MANBA: variants seen among roughly 807,000 people sequenced by gnomAD.
MANBA encodes the protein beta-mannosidase.
MANBA carries 83 observed loss-of-function variants against 111.1 expected under a neutral mutation model. The observed-to-expected ratio is 0.75, with a 90% confidence interval of 0.63 to 0.90. MANBA has a LOEUF of 0.90. Among genes scored for constraint, MANBA ranks in the 40% least tolerant of loss-of-function variants. The pLI, the probability that MANBA is intolerant of heterozygous loss-of-function variation, is 0.00. For synonymous variants in MANBA, 370 were observed against 378.7 expected, an observed-to-expected ratio of 0.98 and a Z score of 0.27; for missense variants, 1,036 against 1,069.0, an observed-to-expected ratio of 0.97 and a Z score of 0.43.
chr4:102,656,147 G>A (rs1188633144), intron 12 of MANBA, among the ~76,000 whole-genome samples: 1 of 152,072 alleles, frequency 6.6e-6, no homozygotes, highest in African/African-American at 2.4e-5. Context: ...CAGCTTCTTG[G>A]GGATGCTGAG....
intron 5 of MANBA, among the ~76,000 whole-genome samples, chr4:102,712,144 A>C (rs922605378): frequency 1.3e-5 from 2 of 152,240 alleles, no homozygotes. Flanking sequence ...ATCATTACAC[A>C]TTCTATGCAT....
intron 10 of MANBA, chr4:102,668,398 G>A (rs1042111036): frequency 2.6e-5 from 4 of 155,188 alleles, no homozygotes; most frequent in African/African-American, 9.6e-5. Context: ...TTCAATATAA[G>A]AATACTCAAC....
chr4:102,684,422 T>C (rs944327609), intron 7 of MANBA, among the ~76,000 whole-genome samples: 2 of 152,194 alleles, frequency 1.3e-5, no homozygotes, highest in African/African-American at 2.4e-5. Flanking sequence ...GCTGAACTCA[T>C]GCATCCTCCA....
chr4:102,664,409 C>T (rs903827850), intron 11 of MANBA, among the ~76,000 whole-genome samples: 4 of 150,788 alleles, frequency 2.7e-5, no homozygotes, highest in Admixed American at 1.3e-4. Context: ...AGTGCAGTGG[C>T]GCGATCTCGG....
intron 1 of MANBA, among the ~76,000 whole-genome samples, chr4:102,758,702 C>A (rs1311349054): frequency 6.6e-6 from 1 of 151,968 alleles, no homozygotes; most frequent in Non-Finnish European, 1.5e-5. Context: ...GCCACCACGC[C>A]CAGTTAATTT....
intron 5 of MANBA, among the ~76,000 whole-genome samples, chr4:102,705,475 A>G (rs1047692611): frequency 6.6e-6 from 1 of 152,078 alleles, no homozygotes; most frequent in South Asian, 2.1e-4. Flanking sequence ...GCTGCCACCA[A>G]TGCTGAAGCA....
At chr4:102,716,957 T>A (rs1010092869) in intron 4 of MANBA, among the ~76,000 whole-genome samples, 1 of 152,248 alleles carries the variant, frequency 6.6e-6, no homozygotes, top group South Asian at 2.1e-4. Flanking sequence ...CACATCTGTC[T>A]AAATTTACCA....
At chr4:102,658,235 C>G (rs1201366545) in intron 11 of MANBA, among the ~76,000 whole-genome samples, 1 of 152,156 alleles carries the variant, frequency 6.6e-6, no homozygotes, top group Non-Finnish European at 1.5e-5. Flanking sequence ...ACATTTTGAG[C>G]TGGATACGTT....
intron 4 of MANBA, among the ~76,000 whole-genome samples, chr4:102,717,501 G>C (rs1722389907): frequency 6.7e-6 from 1 of 150,304 alleles, no homozygotes; most frequent in African/African-American, 2.5e-5. Flanking sequence ...GCTCACTGCA[G>C]CCTCAACCTC....
chr4:102,751,472 C>A, intron 1 of MANBA: 2 of 525,566 alleles, frequency 3.8e-6, no homozygotes, highest in South Asian at 2.8e-5. Context: ...CCTTCTCAAT[C>A]CCTGCCGCCT....
intron 5 of MANBA, among the ~76,000 whole-genome samples, chr4:102,697,402 A>T (rs996225968): frequency 9.2e-5 from 14 of 151,594 alleles, no homozygotes; most frequent in South Asian, 2.1e-4. Context: ...CATGTGCACA[A>T]TGTGCAGGTT....
chr4:102,648,798 A>G (rs1730208063), intron 13 of MANBA, among the ~76,000 whole-genome samples: 1 of 152,136 alleles, frequency 6.6e-6, no homozygotes, highest in South Asian at 2.1e-4. Flanking sequence ...CTTTTGATAC[A>G]TGCACACATC....
At chr4:102,693,355 T>C (rs1434127327) in intron 5 of MANBA, among the ~76,000 whole-genome samples, 1 of 152,314 alleles carries the variant, frequency 6.6e-6, no homozygotes, top group East Asian at 1.9e-4. Flanking sequence ...AAAATTCTTA[T>C]GTTGAAGCCC....
At chr4:102,699,360 G>T (rs910331797) in intron 5 of MANBA, among the ~76,000 whole-genome samples, 5 of 151,654 alleles carry the variant, frequency 3.3e-5, no homozygotes, top group African/African-American at 9.7e-5. Context: ...TCCTTCTCCT[G>T]CCTAATTGCC....
chr4:102,737,436 C>T (rs1723255964), intron 1 of MANBA, among the ~76,000 whole-genome samples: 1 of 151,592 alleles, frequency 6.6e-6, no homozygotes, highest in South Asian at 2.1e-4. Context: ...TGAGACTGGC[C>T]TTGCTGGCTT....
In MANBA at chr4:102,645,838, C is replaced by T. The variant is rs550906492; in HGVS notation, c.1869+4699G>A. ...TTCAAAGAACTAACTTTTGGCTTCA[C>T]TGGTTTTCTCCAGTGTTCTAATGAG... On this transcript the variant is annotated intron_variant, in intron 13 of 16. Coordinates refer to ENST00000647097, the MANE Select transcript of MANBA (RefSeq NM_005908.4). Among the ~76,000 whole-genome samples the T allele has an allele frequency of 6.1e-4, 93 of 152,220 alleles. 1 individual carries two copies. The highest frequency in any genetic ancestry group is 2.1e-3 in the African/African-American group (89 of 41,554).
In MANBA at chr4:102,709,319, G is replaced by GA. The variant is rs1560788733; in HGVS notation, c.673+5118dup. Among the ~76,000 whole-genome samples the GA allele has an allele frequency of 2.2e-3, 207 of 93,042 alleles. 2 individuals are homozygous for GA. The highest frequency in any genetic ancestry group is 6.3e-3 in the African/African-American group (131 of 20,864). 61.0% of individuals were successfully genotyped at this position (93,042 alleles called of 152,430 possible). The stretch of plus-strand genomic sequence containing the variant: ...GGAAGGAAGGAAGGAAGGAAGAAAA[G>GA]AAAAGAAAAAGAAAGGAAGGAAGGA... On this transcript the variant is annotated intron_variant, in intron 5 of 16. Coordinates refer to ENST00000647097, the MANE Select transcript of MANBA (RefSeq NM_005908.4).
Position 102,679,475 on chromosome 4 carries a change from G to A in MANBA, c.961-5405C>T, listed in dbSNP as rs1364064341. On this transcript the variant is annotated intron_variant, in intron 7 of 16. Transcript: ENST00000647097. ...TTAAAAAAGTAAAACAAATATTAGCGTACAAAAAAGGAAAAGTTAATAGAT... is the reference window on the plus strand; with the variant it reads ...TTAAAAAAGTAAAACAAATATTAGCATACAAAAAAGGAAAAGTTAATAGAT... The A allele has an allele frequency of 5.3e-5, 8 of 151,290 alleles. No homozygotes were observed. In the East Asian group the frequency reaches 5.8e-4, roughly 11 times the overall value. 9.4% of individuals were successfully genotyped at this position (151,290 alleles called of 1,614,324 possible).
rs184481349 is a variant in MANBA, at chr4:102,704,050, G to A, written c.673+10388C>T. ...GTGGAGGTTGCAGTGAGCCAAGATCGCGCCACTGCACTCCAGCCTGGGTAA... is the reference window on the plus strand; with the variant it reads ...GTGGAGGTTGCAGTGAGCCAAGATCACGCCACTGCACTCCAGCCTGGGTAA... On this transcript the variant is annotated intron_variant, in intron 5 of 16. Coordinates refer to ENST00000647097, the MANE Select transcript of MANBA (RefSeq NM_005908.4). 8.1e-4 allele frequency among the ~76,000 whole-genome samples: 123 copies of A among 151,858 alleles called. 1 individual carries two copies. The highest frequency in any genetic ancestry group is 2.8e-3 in the African/African-American group (116 of 41,382).
Sources: gnomAD v4.1 joint callset for allele counts (sites outside exome capture counted in the v4.1 genomes callset) on GRCh38, gnomAD v4.1.1 for gene constraint, MANE v1.5 for transcripts, NCBI Gene and HGNC (gene_info 2026-07-23, HGNC 2026-07-21) for gene names.